Variants in CETN2 observed in about 807,000 individuals in gnomAD.
CETN2 encodes centrin 2.
Under a neutral mutation model 12.6 loss-of-function variants are expected in CETN2, and 2 were observed. The observed-to-expected ratio is 0.16, with a 90% CI of 0.07 to 0.50. CETN2 has a LOEUF of 0.50. CETN2 is among the 20% of genes least tolerant of loss of function. The probability of loss-of-function intolerance (pLI) is 0.96; values close to 1 mark genes in which losing one functional copy is unlikely to be tolerated. For synonymous variants in CETN2, 41 were observed against 43.4 expected, an observed-to-expected ratio of 0.94 and a Z score of 0.22; for missense variants, 81 against 128.3, an observed-to-expected ratio of 0.63 and a Z score of 1.78.
chrX:152,828,143 T>C (rs782222858), intron 4 of CETN2, among the ~76,000 whole-genome samples: 2 of 111,571 alleles, frequency 1.8e-5, no homozygotes, highest in South Asian at 3.7e-4. Flanking sequence ...TTTTAATCTA[T>C]GTGAATAGAT....
rs782348342 is a variant in CETN2, at chrX:152,829,585, G to T, written c.162+17C>A. 8.5e-7 allele frequency: 1 copy of T among 1,177,746 alleles called. No individual in the cohort carries two copies. The highest frequency in any genetic ancestry group is 1.1e-6 in the Non-Finnish European group (1 of 875,038). On this transcript the variant is annotated intron_variant, in intron 2 of 4. Transcript: ENST00000370277. ...GAGGAAAGGAAGGGCAGTACGGCAG[G>T]AATGCACAGAGCTTGCCTTCAGTTC...
In CETN2 at chrX:152,828,596, T is replaced by G. The variant is rs1932972687; in HGVS notation, c.370A>C (p.Lys124Gln). Residue 124 changes from lysine (K) to glutamine (Q), a missense_variant, in exon 4 of 5, where the codon AAA (lysine) becomes CAA (glutamine). Coordinates refer to ENST00000370277, the MANE Select transcript of CETN2 (RefSeq NM_004344.3). The stretch of plus-strand genomic sequence containing the variant: ...TCCTTGGCCACGCGTTTCAGATTTT[T>G]GAACGAAATCTTCCCAGTTTCATCA... ...DDDETGKISF[K>Q]NLKRVAKELG... is the part of the protein sequence containing the mutation. 8.3e-7 allele frequency: 1 copy of G among 1,209,622 alleles called. No individual in the cohort carries two copies. Among genetic ancestry groups the G allele is most frequent in the African/African-American group, 1.7e-5 (1 of 57,230 alleles).
rs1556842747 is a variant in CETN2, at chrX:152,827,561, A to G, written c.*280T>C. ...AATGCATGACGAGGGAAACGATGCA[A>G]GGCAAAATGGCAGGTGCTCAAAGCT... On this transcript the variant is annotated 3_prime_UTR_variant, in exon 5 of 5. Transcript: ENST00000370277. 19 of 250,952 alleles carry G rather than the reference A, an allele frequency of 7.6e-5. No homozygotes were observed. Among genetic ancestry groups the G allele is most frequent in the Non-Finnish European group, 5.7e-5 (8 of 139,874 alleles). The allele number at this position is 250,952 out of a possible 1,213,427, so 20.7% of individuals were successfully genotyped here. A position where few individuals can be genotyped will look rare whatever the true frequency, so the allele number is the denominator to read the frequency against.
rs185815550 is a variant in CETN2 at position 152,827,319 on chromosome X, A to C, written c.*522T>G. On this transcript the variant is annotated 3_prime_UTR_variant, in exon 5 of 5. Coordinates refer to ENST00000370277, the MANE Select transcript of CETN2 (RefSeq NM_004344.3). Reference sequence around the variant, plus strand: ...AAAGCTAAAGAACTCATCCTTAGAGAATACAAGTTCAAACTGAGAAAGGTT... The same window carrying C: ...AAAGCTAAAGAACTCATCCTTAGAGCATACAAGTTCAAACTGAGAAAGGTT... 6 of 113,740 alleles carry C rather than the reference A, an allele frequency of 5.3e-5. No individual in the cohort carries two copies. The highest frequency in any genetic ancestry group is 1.9e-4 in the African/African-American group (6 of 31,181). The allele number at this position is 113,740 out of a possible 1,213,427, so 9.4% of individuals were successfully genotyped here.
chrX:152,830,585 A>C, intron 1 of CETN2, 123 bp downstream of exon 1: 2 of 880,502 alleles, frequency 2.3e-6, no homozygotes, highest in South Asian at 2.6e-5. Flanking sequence ...CCCGGGAAAG[A>C]GCTCAAAGGA....
rs1014517942 is a variant in CETN2 at position 152,827,996 on chromosome X, T to G, written c.430-66A>C. 8 of 392,802 alleles carry G rather than the reference T, an allele frequency of 2.0e-5. No homozygotes were observed. In the African/African-American group the frequency reaches 2.0e-4, roughly 10 times the overall value. 32.4% of individuals were successfully genotyped at this position (392,802 alleles called of 1,213,427 possible). On this transcript the variant is annotated intron_variant, in intron 4 of 4. Coordinates refer to ENST00000370277, the MANE Select transcript of CETN2 (RefSeq NM_004344.3). ...GCCAAAAGGTGACTAAGTAATAGAC[T>G]TTTTTTTTTTTAGAGATGGGGTCTC...
At chrX:152,828,777 T>A in intron 3 of CETN2, 103 bp from the exon 4 acceptor site, 1 of 807,771 alleles carries the variant, frequency 1.2e-6, no homozygotes, top group Non-Finnish European at 1.7e-6. Context: ...CTTTCCTTTT[T>A]AACAATGTAA....
In CETN2 at chrX:152,828,437, T is replaced by G; in HGVS notation, c.429+100A>C. On this transcript the variant is annotated intron_variant, in intron 4 of 4. Coordinates refer to ENST00000370277, the MANE Select transcript of CETN2 (RefSeq NM_004344.3). ...CTGCAGAGGGACAAAGTACACTGGC[T>G]TTTCTTCAAAGAGGTGCTCACACTA... The G allele has an allele frequency of 4.3e-6, 4 of 940,456 alleles. No homozygotes were observed. The South Asian group carries it at 9.7e-5, about 23-fold the overall frequency. The allele number at this position is 940,456 out of a possible 1,213,427, so 77.5% of individuals were successfully genotyped here. A position where few individuals can be genotyped will look rare whatever the true frequency, so the allele number is the denominator to read the frequency against.
chrX:152,828,434 G>C, intron 4 of CETN2, 103 bp downstream of exon 4: 1 of 907,310 alleles, frequency 1.1e-6, no homozygotes, highest in Non-Finnish European at 1.5e-6. Context: ...AAAGTACACT[G>C]GCTTTTCTTC....
rs1556842779 is a variant in CETN2 at position 152,827,799 on chromosome X, T to G, written c.*42A>C. 9.2e-7 allele frequency: 1 copy of G among 1,091,602 alleles called. No homozygotes were observed. 90.0% of individuals were successfully genotyped at this position (1,091,602 alleles called of 1,213,427 possible). On this transcript the variant is annotated 3_prime_UTR_variant, in exon 5 of 5. Coordinates refer to ENST00000370277, the MANE Select transcript of CETN2 (RefSeq NM_004344.3). ...ATTTCACACCATGGCAGGCACTAAATCTAGTTACATGTGCTTGCAGTAGAA... is the reference window on the plus strand; with the variant it reads ...ATTTCACACCATGGCAGGCACTAAAGCTAGTTACATGTGCTTGCAGTAGAA...
intron 1 of CETN2, 26 bp downstream of exon 1, chrX:152,830,682 G>T: frequency 8.5e-7 from 1 of 1,178,341 alleles, no homozygotes; most frequent in East Asian, 3.2e-5. Flanking sequence ...GCTGGGCGTG[G>T]GGCGCGACAG....
In CETN2 at chrX:152,827,058, C is replaced by T. The variant is rs1602913227; in HGVS notation, c.*783G>A. On this transcript the variant is annotated 3_prime_UTR_variant, in exon 5 of 5. Coordinates refer to ENST00000370277, the MANE Select transcript of CETN2 (RefSeq NM_004344.3). ...CCCCATTTTATTCAAGCACAAATTA[C>T]TAACAAGACTCTTTTCCAGTCTTAG... 8.9e-6 allele frequency: 1 copy of T among 112,501 alleles called. No homozygotes were observed. The highest frequency in any genetic ancestry group is 2.8e-4 in the East Asian group (1 of 3,600). The allele number at this position is 112,501 out of a possible 1,213,427, so 9.3% of individuals were successfully genotyped here. A position where few individuals can be genotyped will look rare whatever the true frequency, so the allele number is the denominator to read the frequency against.
intron 3 of CETN2, 30 bp from the exon 4 acceptor site, chrX:152,828,704 TA>T: frequency 8.4e-7 from 1 of 1,185,477 alleles, no homozygotes; most frequent in Non-Finnish European, 1.1e-6. Flanking sequence ...AACACATGAG[TA>T]GGGGGACACC....
rs1471397656 is a variant in CETN2 at position 152,829,155 on chromosome X, C to T, written c.285G>A (p.Gln95=). 1 of 1,208,989 alleles carries T rather than the reference C, an allele frequency of 8.3e-7. No individual in the cohort carries two copies. Among genetic ancestry groups the T allele is most frequent in the African/African-American group, 1.8e-5 (1 of 57,142 alleles). The part of the protein sequence containing the change: ...NFGDFLTVMT[Q]KMSEKDTKEE... ...AATTGTCTTAGCTACTTACCATTTT[C>T]TGGGTCATCACAGTTAAAAAGTCAC... The change falls in exon 3 of 5, where the codon CAG becomes CAA. Residue 95 remains glutamine, a synonymous_variant. Coordinates refer to ENST00000370277, the MANE Select transcript of CETN2 (RefSeq NM_004344.3).
At position 152,827,429 on chromosome X, in the gene CETN2, A is replaced by C. The variant is rs1932963442; in HGVS notation, c.*412T>G. 8.1e-6 allele frequency: 1 copy of C among 124,136 alleles called. No homozygotes were observed. The highest frequency in any genetic ancestry group is 3.2e-5 in the African/African-American group (1 of 31,536). 10.2% of individuals were successfully genotyped at this position (124,136 alleles called of 1,213,427 possible). On this transcript the variant is annotated 3_prime_UTR_variant, in exon 5 of 5. Transcript: ENST00000370277. ...ACTGGGTTTATAAAAGAGAAAACTA[A>C]ACTCAAGTGTCAAATAAAAACTGGA...
At chrX:152,829,504 G>C (rs1229667579) in intron 2 of CETN2, 98 bp downstream of exon 2, 5 of 990,899 alleles carry the variant, frequency 5.0e-6, no homozygotes, top group Non-Finnish European at 6.9e-6. Flanking sequence ...ACTTACTGCA[G>C]GGAGAAGAGG....
rs782241480 is a variant in CETN2 at position 152,830,644 on chromosome X, C to G, written c.3+64G>C. ...AAAGGCGCAGGAGAGGCGGCGTGGC[C>G]GAGCTGGGGCCTGGGAAGGGCTCAG... On this transcript the variant is annotated intron_variant, in intron 1 of 4. Coordinates refer to ENST00000370277, the MANE Select transcript of CETN2 (RefSeq NM_004344.3). 1,688 of 1,145,554 alleles carry G rather than the reference C, an allele frequency of 1.5e-3. 13 individuals carry two copies. The African/African-American group carries it at 0.026, about 18-fold the overall frequency. The allele number at this position is 1,145,554 out of a possible 1,213,427, so 94.4% of individuals were successfully genotyped here.
At position 152,828,642 on chromosome X, in the gene CETN2, T is replaced by C. The variant is rs373297934; in HGVS notation, c.324A>G (p.Lys108=). 5.8e-6 allele frequency: 7 copies of C among 1,207,358 alleles called. No individual in the cohort carries two copies. Among genetic ancestry groups the C allele is most frequent in the Non-Finnish European group, 7.8e-6 (7 of 893,632 alleles). The change falls in exon 4 of 5, where the codon AAA becomes AAG. Residue 108 remains lysine, a synonymous_variant. Transcript: ENST00000370277. ...CATCATCATCAAAGAGCTTGAAAGC[T>C]TTCAGGATTTCTTCTTTAGTATCTT... The part of the protein sequence containing the change: ...SEKDTKEEIL[K]AFKLFDDDET...
At chrX:152,830,628 G>A in intron 1 of CETN2, 80 bp downstream of exon 1, 1 of 1,106,960 alleles carries the variant, frequency 9.0e-7, no homozygotes, top group Non-Finnish European at 1.2e-6. Context: ...GAAAGGCGCA[G>A]GAGAGGCGGC....
Sources: allele counts gnomAD v4.1 joint callset (sites outside exome capture counted in the v4.1 genomes callset), GRCh38; gene constraint gnomAD v4.1.1; transcripts MANE v1.5; gene names NCBI Gene and HGNC (gene_info 2026-07-23, HGNC 2026-07-21).